The following GSE1 variants were observed in gnomAD, a reference collection of about 807,000 sequenced individuals.
The protein encoded by GSE1 is Gse1 coiled-coil protein, also known as genetic suppressor element 1.
GSE1 carries 32 observed loss-of-function variants against 112.6 expected under a neutral mutation model. That is an observed-to-expected ratio of 0.28 (90% CI 0.21 to 0.38). GSE1 has a LOEUF of 0.38. Ranked by LOEUF, GSE1 falls within the 10% of genes least tolerant of loss-of-function variation. The probability of loss-of-function intolerance (pLI) is 1.00; values close to 1 mark genes in which losing one functional copy is unlikely to be tolerated. For synonymous variants in GSE1, 1,115 were observed against 735.6 expected, an observed-to-expected ratio of 1.52 and a Z score of -8.35; for missense variants, 2,348 against 1,699.2, an observed-to-expected ratio of 1.38 and a Z score of -6.71.
chr16:85,516,813 T>G (rs1300456443), intron 2 of GSE1, among the ~76,000 whole-genome samples: 1 of 150,766 alleles, frequency 6.6e-6, no homozygotes, highest in Non-Finnish European at 1.5e-5. Context: ...TTTTTTTTTT[T>G]TTGAGACGGA....
At chr16:85,616,214 G>A (rs1256802259) in intron 1 of GSE1, among the ~76,000 whole-genome samples, 1 of 152,230 alleles carries the variant, frequency 6.6e-6, no homozygotes, top group Non-Finnish European at 1.5e-5. Context: ...TGAGCCCCTG[G>A]AGCAGGTACT....
At chr16:85,456,637 TGTGG>T (rs2049836676) in intron 2 of GSE1, among the ~76,000 whole-genome samples, 1 of 142,232 alleles carries the variant, frequency 7.0e-6, no homozygotes, top group African/African-American at 2.6e-5. Context: ...TGTGTGTGTG[TGTGG>T]TCTGCCATTT....
chr16:85,250,971 T>C (rs1906408856), intron 1 of GSE1, among the ~76,000 whole-genome samples: 1 of 152,242 alleles, frequency 6.6e-6, no homozygotes, highest in Non-Finnish European at 1.5e-5. Context: ...TCCGCAGTCA[T>C]CCATGTAGCA....
intron 1 of GSE1, among the ~76,000 whole-genome samples, chr16:85,189,273 C>T (rs946461747): frequency 6.6e-6 from 1 of 152,190 alleles, no homozygotes; most frequent in Non-Finnish European, 1.5e-5. Flanking sequence ...GCACTTTATT[C>T]TATTTGACTT....
At chr16:85,525,012 G>T (rs1032190466) in intron 2 of GSE1, among the ~76,000 whole-genome samples, 2 of 152,226 alleles carry the variant, frequency 1.3e-5, no homozygotes, top group African/African-American at 4.8e-5. Context: ...GCTCCCTGGG[G>T]TGATCCGGCC....
intron 11 of GSE1, chr16:85,664,623 T>G (rs1598681796): frequency 5.9e-6 from 1 of 170,572 alleles, no homozygotes; most frequent in Non-Finnish European, 1.3e-5. Context: ...ATGGTAGGAG[T>G]GGGGGAGAAG....
At chr16:85,438,025 G>A (rs143105300) in intron 2 of GSE1, among the ~76,000 whole-genome samples, 7 of 151,728 alleles carry the variant, frequency 4.6e-5, no homozygotes, top group African/African-American at 7.3e-5. Flanking sequence ...AGCTAGTTCC[G>A]TGTCCGAAGC....
intron 2 of GSE1, among the ~76,000 whole-genome samples, chr16:85,398,616 G>A (rs2048021006): frequency 2.0e-5 from 3 of 152,232 alleles, no homozygotes; most frequent in African/African-American, 4.8e-5. Flanking sequence ...CCGACAAACC[G>A]CTGCATGACT....
At chr16:85,206,198 G>C (rs911387169) in intron 1 of GSE1, among the ~76,000 whole-genome samples, 9 of 152,036 alleles carry the variant, frequency 5.9e-5, no homozygotes, top group African/African-American at 2.2e-4. Flanking sequence ...AGATGGGGGG[G>C]GCGCATGTGC....
At chr16:85,294,918 T>G (rs972315812) in intron 1 of GSE1, among the ~76,000 whole-genome samples, 4 of 151,784 alleles carry the variant, frequency 2.6e-5, no homozygotes, top group African/African-American at 9.7e-5. Context: ...TAGTTTTTGT[T>G]TTTTTACATT....
chr16:85,356,487 G>A (rs1344106400), intron 1 of GSE1, among the ~76,000 whole-genome samples: 1 of 152,196 alleles, frequency 6.6e-6, no homozygotes, highest in Non-Finnish European at 1.5e-5. Flanking sequence ...TTGGTGCAGG[G>A]ACCTAGAAGA....
At chr16:85,594,259 C>T (rs1167296234) in intron 1 of GSE1, 10 of 140,026 alleles carry the variant, frequency 7.1e-5, no homozygotes, top group Admixed American at 2.8e-4. Context: ...AGGGGACAGG[C>T]GGGCAGGGGT....
At chr16:85,615,901 G>A (rs2048339726) in intron 1 of GSE1, among the ~76,000 whole-genome samples, 3 of 152,208 alleles carry the variant, frequency 2.0e-5, no homozygotes, top group Admixed American at 2.0e-4. Context: ...AGGAACAAGG[G>A]GCAAACTGAG....
At chr16:85,350,065 G>A (rs2046823211) in intron 1 of GSE1, among the ~76,000 whole-genome samples, 1 of 152,192 alleles carries the variant, frequency 6.6e-6, no homozygotes, top group African/African-American at 2.4e-5. Flanking sequence ...CTTGACTTCT[G>A]AGCCTCTGAG....
rs2046679763 is a variant in GSE1 at position 85,344,017 on chromosome 16, G to T, written c.2284-13446G>T. On this transcript the variant is annotated intron_variant, in intron 1 of 2. Transcript: ENST00000637419. Reference sequence around the variant, plus strand: ...GAAACACTATTCCCCCAGGAACATGGCTCCTTACATAACTCAGATACGTCT... The same window carrying T: ...GAAACACTATTCCCCCAGGAACATGTCTCCTTACATAACTCAGATACGTCT... Among the ~76,000 whole-genome samples the T allele has an allele frequency of 2.0e-5, 3 of 152,316 alleles. No individual in the cohort carries two copies. The South Asian group carries it at 6.2e-4, about 32-fold the overall frequency.
At chr16:85,400,210 T>C (rs2048064823) in intron 2 of GSE1, among the ~76,000 whole-genome samples, 1 of 152,164 alleles carries the variant, frequency 6.6e-6, no homozygotes, top group Admixed American at 6.5e-5. Context: ...GCTGAGGTTT[T>C]GGGATCATCA....
intron 2 of GSE1, among the ~76,000 whole-genome samples, chr16:85,524,903 C>T (rs982812624): frequency 2.6e-5 from 4 of 152,140 alleles, no homozygotes; most frequent in East Asian, 3.9e-4. Context: ...CCGAGGCCCC[C>T]GAGGCCATGG....
intron 1 of GSE1, among the ~76,000 whole-genome samples, chr16:85,172,139 G>C (rs1049448742): frequency 6.6e-6 from 1 of 152,168 alleles, no homozygotes; most frequent in Non-Finnish European, 1.5e-5. Flanking sequence ...GAAGTTCGGG[G>C]CATGTCTGTC....
intron 1 of GSE1, among the ~76,000 whole-genome samples, chr16:85,576,889 T>C (rs1225235056): frequency 1.3e-5 from 2 of 152,180 alleles, no homozygotes; most frequent in Non-Finnish European, 2.9e-5. Context: ...CTCTCACAGC[T>C]TCTCCCACCC....
Sources: allele counts gnomAD v4.1 joint callset (sites outside exome capture counted in the v4.1 genomes callset), GRCh38; gene constraint gnomAD v4.1.1; transcripts MANE v1.5; gene names NCBI Gene and HGNC (gene_info 2026-07-23, HGNC 2026-07-21).